ABLIM1: variants seen among roughly 807,000 people sequenced by gnomAD.
ABLIM1 encodes actin-binding LIM protein 1.
In ABLIM1, 40 loss-of-function variants were observed where a neutral mutation model predicts 107.0. The observed-to-expected ratio is 0.37, with a 90% CI of 0.29 to 0.49. The LOEUF is 0.49. Ranked by LOEUF, ABLIM1 falls within the 20% of genes least tolerant of loss-of-function variation. The probability of loss-of-function intolerance (pLI) is 0.97; values close to 1 mark genes in which losing one functional copy is unlikely to be tolerated. For missense variants in ABLIM1, 857 were observed against 1,008.5 expected, an observed-to-expected ratio of 0.85 and a Z score of 2.04; for synonymous variants, 357 against 357.3, an observed-to-expected ratio of 1.00 and a Z score of 0.01.
chr10:114,470,706 T>C (rs1464898551), intron 10 of ABLIM1, among the ~76,000 whole-genome samples: 2 of 152,228 alleles, frequency 1.3e-5, no homozygotes, highest in Non-Finnish European at 2.9e-5. Flanking sequence ...AGTACTGTTC[T>C]AATGTAAATA....
At chr10:114,770,031 C>A (rs140411603), upstream of ABLIM1, among the ~76,000 whole-genome samples, 1 of 152,286 alleles carries the variant, frequency 6.6e-6, no homozygotes, top group East Asian at 1.9e-4. Flanking sequence ...GTTGCCCTGC[C>A]TACATTCAGC....
At position 114,657,956 on chromosome 10, in the gene ABLIM1, C is replaced by G. The variant is rs1164760250; in HGVS notation, c.244+1G>C. On this transcript the variant is annotated splice_donor_variant, in intron 1 of 22. Transcript: ENST00000533213. LOFTEE classifies it high-confidence loss of function. ...TGTCCAGAGAGGGTTATTTTACTTA[C>G]CAAAAGGATCAACGCTGTTACATAC... The G allele has an allele frequency of 1.2e-5, 19 of 1,607,194 alleles. No homozygotes were observed. Among genetic ancestry groups the G allele is most frequent in the Non-Finnish European group, 1.6e-5 (19 of 1,174,854 alleles).
At chr10:114,766,766 G>A (rs1436421630) in intron 1 of ABLIM1, among the ~76,000 whole-genome samples, 1 of 152,176 alleles carries the variant, frequency 6.6e-6, no homozygotes, top group African/African-American at 2.4e-5. Flanking sequence ...CAAAGCCTCA[G>A]TCTAAGAACA....
At chr10:114,672,382 G>A (rs902360468) in intron 1 of ABLIM1, among the ~76,000 whole-genome samples, 7 of 152,104 alleles carry the variant, frequency 4.6e-5, no homozygotes, top group South Asian at 4.2e-4. Context: ...TGTATTTTTA[G>A]TAGAGATGGG....
intron 4 of ABLIM1, among the ~76,000 whole-genome samples, chr10:114,557,957 T>C (rs114000043): frequency 0.016 from 2,456 of 152,192 alleles, 57 homozygotes; most frequent in African/African-American, 0.056. Flanking sequence ...TCCTGTTTCA[T>C]TATACATTGT....
At chr10:114,643,703 A>C (rs545602465) in intron 1 of ABLIM1, among the ~76,000 whole-genome samples, 2 of 151,626 alleles carry the variant, frequency 1.3e-5, no homozygotes. Flanking sequence ...CAGCCTCCTG[A>C]GTAGCTGGGA....
At chr10:114,583,468 CATATATATATATATATATATATATAT>C (rs140129654) in intron 2 of ABLIM1, among the ~76,000 whole-genome samples, 15 of 15,100 alleles carry the variant, frequency 9.9e-4, no homozygotes, top group South Asian at 3.0e-3. Context: ...CACACACACA[CATATATATATATATATATATATATAT>C]ATATATATAT....
rs1187168873 is a variant in ABLIM1 at position 114,434,771 on chromosome 10, T to G, written c.*1489A>C. On this transcript the variant is annotated 3_prime_UTR_variant, in exon 23 of 23. Coordinates refer to ENST00000533213, the MANE Select transcript of ABLIM1 (RefSeq NM_002313.7). ...TGTGGTTTCATATGCACGCACGTGT[T>G]GGGGAAACCCTAGGCTCATATTCGA... 1 of 152,170 alleles carries G rather than the reference T, an allele frequency of 6.6e-6. No individual in the cohort carries two copies. Among genetic ancestry groups the G allele is most frequent in the Non-Finnish European group, 1.5e-5 (1 of 68,016 alleles). The allele number at this position is 152,170 out of a possible 1,614,324, so 9.4% of individuals were successfully genotyped here. A position where few individuals can be genotyped will look rare whatever the true frequency, so the allele number is the denominator to read the frequency against.
At chr10:114,677,039 G>C (rs1476803257) in intron 1 of ABLIM1, among the ~76,000 whole-genome samples, 1 of 152,058 alleles carries the variant, frequency 6.6e-6, no homozygotes, top group Non-Finnish European at 1.5e-5. Context: ...GCCTGGCCAA[G>C]TTTATCTACC....
intron 4 of ABLIM1, among the ~76,000 whole-genome samples, chr10:114,568,159 C>T (rs1005258926): frequency 3.6e-5 from 5 of 138,280 alleles, no homozygotes; most frequent in Non-Finnish European, 6.0e-5. Flanking sequence ...CACTGCAGTC[C>T]GCAGTCCAGC....
intron 6 of ABLIM1, among the ~76,000 whole-genome samples, chr10:114,517,071 C>T (rs925318560): frequency 5.3e-5 from 8 of 152,138 alleles, no homozygotes; most frequent in Non-Finnish European, 1.0e-4. Flanking sequence ...TGCCCCTTTC[C>T]TCACCTCCAG....
In ABLIM1 at chr10:114,441,743, A is replaced by C; in HGVS notation, c.1977T>G (p.Tyr659Ter). 1 of 1,614,138 alleles carries C rather than the reference A, an allele frequency of 6.2e-7. No homozygotes were observed. The highest frequency in any genetic ancestry group is 8.5e-7 in the Non-Finnish European group (1 of 1,179,966). ...TTACCCGGTGAAGCCCATTTCTTCC[A>C]TAGCCAGGGAGAGATGCAGTTTTAG... ...PSSKTASLPG[Y>*]GRNGLHRPVS... Residue 659 changes from tyrosine (Y) to a stop codon, truncating the protein, a stop_gained, in exon 18 of 23, where the codon TAT (tyrosine) becomes TAG (stop). Transcript: ENST00000533213. LOFTEE classifies it high-confidence loss of function.
intron 1 of ABLIM1, among the ~76,000 whole-genome samples, chr10:114,708,671 G>C (rs2081477380): frequency 6.6e-6 from 1 of 152,152 alleles, no homozygotes; most frequent in South Asian, 2.1e-4. Flanking sequence ...GCAAAGTTAA[G>C]AAAGAGGAAA....
chr10:114,774,698 A>C, the ABLIM1 span, among the ~76,000 whole-genome samples: 1 of 152,206 alleles, frequency 6.6e-6, no homozygotes, highest in Non-Finnish European at 1.5e-5. Flanking sequence ...CCAGGGCAGA[A>C]TGTGAAACTT....
chr10:114,750,429 C>T (rs1014887509), intron 1 of ABLIM1, among the ~76,000 whole-genome samples: 3 of 152,098 alleles, frequency 2.0e-5, no homozygotes, highest in African/African-American at 7.2e-5. Flanking sequence ...ACCCAAGAAA[C>T]ACTAGGAAAT....
chr10:114,684,156 A>T, intron 1 of ABLIM1: 2 of 860,674 alleles, frequency 2.3e-6, no homozygotes, highest in Non-Finnish European at 3.4e-6. Context: ...AGATTGTAAA[A>T]CAATCTTTTA....
chr10:114,565,997 G>A (rs998460633), intron 4 of ABLIM1, among the ~76,000 whole-genome samples: 5 of 151,882 alleles, frequency 3.3e-5, no homozygotes, highest in South Asian at 2.1e-4. Flanking sequence ...GGGTTTCACC[G>A]TGTTAGCCAG....
intron 6 of ABLIM1, among the ~76,000 whole-genome samples, chr10:114,534,793 C>G (rs899872425): frequency 3.3e-5 from 5 of 152,138 alleles, no homozygotes; most frequent in Admixed American, 2.0e-4. Context: ...AACAAAACAT[C>G]CTTTTAACTC....
chr10:114,628,712 A>G (rs2077977817), intron 1 of ABLIM1, among the ~76,000 whole-genome samples: 1 of 152,362 alleles, frequency 6.6e-6, no homozygotes, highest in Non-Finnish European at 1.5e-5. Flanking sequence ...GTCTTTTCAC[A>G]TGGTTCCCAA....
Sources: allele counts gnomAD v4.1 joint callset (sites outside exome capture counted in the v4.1 genomes callset), GRCh38; gene constraint gnomAD v4.1.1; transcripts MANE v1.5; gene names NCBI Gene and HGNC (gene_info 2026-07-23, HGNC 2026-07-21).